The following ANAPC10 variants were observed in gnomAD, a reference collection of about 807,000 sequenced individuals.
ANAPC10 encodes the protein anaphase-promoting complex subunit 10.
A neutral mutation model predicts 22.0 loss-of-function variants in ANAPC10; 12 were observed. That is an observed-to-expected ratio of 0.55 (90% confidence interval 0.35 to 0.88). The LOEUF is 0.88. Ranked by LOEUF, ANAPC10 falls within the 40% of genes least tolerant of loss-of-function variation. ANAPC10 has a pLI of 0.01. For missense variants in ANAPC10, 188 were observed against 220.9 expected, an observed-to-expected ratio of 0.85 and a Z score of 0.94; for synonymous variants, 65 against 69.5, an observed-to-expected ratio of 0.94 and a Z score of 0.32.
intron 3 of ANAPC10, among the ~76,000 whole-genome samples, chr4:145,070,674 C>T (rs1022905884): frequency 3.3e-5 from 5 of 152,188 alleles, no homozygotes; most frequent in African/African-American, 1.2e-4. Context: ...AAATCAGGTA[C>T]TTGAACAGAT....
intron 3 of ANAPC10, among the ~76,000 whole-genome samples, chr4:145,069,922 G>C (rs1044758151): frequency 6.6e-6 from 1 of 151,962 alleles, no homozygotes; most frequent in African/African-American, 2.4e-5. Context: ...TGTTCATTTG[G>C]GAAGAGACAG....
chr4:145,010,672 G>A (rs564390806), intron 4 of ANAPC10, among the ~76,000 whole-genome samples: 22 of 152,084 alleles, frequency 1.4e-4, no homozygotes, highest in Middle Eastern at 3.4e-3. Flanking sequence ...GGGGCCTGTC[G>A]TGGGGTGGGG....
At chr4:145,010,367 C>A (rs143789228) in intron 4 of ANAPC10, among the ~76,000 whole-genome samples, 1 of 151,638 alleles carries the variant, frequency 6.6e-6, no homozygotes, top group African/African-American at 2.4e-5. Context: ...TAAAGACACA[C>A]GCACACTTAT....
intron 3 of ANAPC10, among the ~76,000 whole-genome samples, chr4:145,071,277 A>AAG (rs1744451869): frequency 6.6e-6 from 1 of 152,130 alleles, no homozygotes; most frequent in Non-Finnish European, 1.5e-5. Context: ...GTGGTGATGC[A>AAG]TGCCTGTAAT....
At chr4:145,084,596 C>G (rs945113979) in intron 2 of ANAPC10, among the ~76,000 whole-genome samples, 5 of 151,838 alleles carry the variant, frequency 3.3e-5, no homozygotes, top group African/African-American at 1.2e-4. Context: ...AAAAAAAATT[C>G]ATAATGTTTC....
At chr4:145,067,353 A>G (rs1743857196) in intron 3 of ANAPC10, among the ~76,000 whole-genome samples, 1 of 152,130 alleles carries the variant, frequency 6.6e-6, no homozygotes, top group Non-Finnish European at 1.5e-5. Flanking sequence ...GTAGCATAAG[A>G]TATTACAAGA....
chr4:145,019,816 G>T (rs1735718282), intron 4 of ANAPC10, among the ~76,000 whole-genome samples: 1 of 151,992 alleles, frequency 6.6e-6, no homozygotes. Flanking sequence ...ATGTTTATGG[G>T]CATAAACTTG....
chr4:145,065,910 T>G (rs1474104063), intron 3 of ANAPC10, among the ~76,000 whole-genome samples: 1 of 152,024 alleles, frequency 6.6e-6, no homozygotes, highest in Non-Finnish European at 1.5e-5. Flanking sequence ...GATCTTTATT[T>G]TCTTCTTTAT....
chr4:145,086,774 C>T (rs769641671), intron 2 of ANAPC10, among the ~76,000 whole-genome samples: 69 of 151,816 alleles, frequency 4.5e-4, no homozygotes, highest in Non-Finnish European at 4.0e-4. Context: ...CTCCCCCCAC[C>T]CTCATGTCCC....
At chr4:145,086,447 C>T (rs1746912552) in intron 2 of ANAPC10, among the ~76,000 whole-genome samples, 2 of 152,148 alleles carry the variant, frequency 1.3e-5, no homozygotes, top group African/African-American at 2.4e-5. Context: ...GTGGTTCGTA[C>T]AGTGTCGTTC....
Position 145,095,972 on chromosome 4 carries a change from T to C in ANAPC10, c.115+13A>G. The C allele has an allele frequency of 6.2e-7, 1 of 1,614,018 alleles. No homozygotes were observed. On this transcript the variant is annotated intron_variant, in intron 2 of 4. Transcript: ENST00000507656. ...GACTATTTCCAACAGCTTTTTTGTT[T>C]GTTAGTTTTTACCTGGTTTGCAAGA...
chr4:145,052,443 C>T (rs1010147932), intron 4 of ANAPC10, among the ~76,000 whole-genome samples: 7 of 152,058 alleles, frequency 4.6e-5, no homozygotes, highest in Non-Finnish European at 1.0e-4. Flanking sequence ...AACCAGTTTA[C>T]AGAGGTGGAA....
At chr4:145,059,677 T>C (rs146733872) in intron 4 of ANAPC10, among the ~76,000 whole-genome samples, 105 of 152,230 alleles carry the variant, frequency 6.9e-4, no homozygotes, top group African/African-American at 2.5e-3. Context: ...AAAAACACTT[T>C]AGTTTCATAT....
At chr4:145,018,364 C>T (rs1034637138) in intron 4 of ANAPC10, among the ~76,000 whole-genome samples, 24 of 151,898 alleles carry the variant, frequency 1.6e-4, no homozygotes, top group Non-Finnish European at 2.6e-4. Context: ...CCGGGCACCG[C>T]GGCTCACACC....
chr4:145,052,473 T>C (rs1741264916), intron 4 of ANAPC10, among the ~76,000 whole-genome samples: 1 of 152,218 alleles, frequency 6.6e-6, no homozygotes. Flanking sequence ...TTTCTAATTT[T>C]AGTTGTTCTC....
chr4:145,030,611 C>T (rs906853063), intron 4 of ANAPC10, among the ~76,000 whole-genome samples: 1 of 152,138 alleles, frequency 6.6e-6, no homozygotes, highest in African/African-American at 2.4e-5. Flanking sequence ...CAGTGGGTCC[C>T]CAGACTCATC....
chr4:145,073,184 G>A (rs1744725985), intron 3 of ANAPC10, among the ~76,000 whole-genome samples: 1 of 152,122 alleles, frequency 6.6e-6, no homozygotes, highest in South Asian at 2.1e-4. Context: ...GTGAGCCACT[G>A]CACCCAATCT....
rs1015981573 is a variant in ANAPC10, at chr4:145,010,881, GA to G, written c.328-15279del. Among the ~76,000 whole-genome samples the G allele has an allele frequency of 4.0e-4, 60 of 148,442 alleles. 2 individuals carry two copies. The highest frequency in any genetic ancestry group is 1.4e-3 in the African/African-American group (57 of 40,362). On this transcript the variant is annotated intron_variant, in intron 4 of 4. Coordinates refer to ENST00000507656, the MANE Select transcript of ANAPC10 (RefSeq NM_001256706.2). ...ACCAATAAAAGGAGAGGTATATGGG[GA>G]AAAAAAAACAAAAATATACATCTCT...
chr4:145,018,916 T>C (rs563913080), intron 4 of ANAPC10, among the ~76,000 whole-genome samples: 83 of 152,220 alleles, frequency 5.5e-4, no homozygotes, highest in African/African-American at 2.0e-3. Flanking sequence ...TAAACATATA[T>C]GCACATAACA....
Sources: gnomAD v4.1 joint callset for allele counts (sites outside exome capture counted in the v4.1 genomes callset) on GRCh38, gnomAD v4.1.1 for gene constraint, MANE v1.5 for transcripts, NCBI Gene and HGNC (gene_info 2026-07-23, HGNC 2026-07-21) for gene names.